The following FOXP2 variants were observed in gnomAD, a reference collection of about 807,000 sequenced individuals.
The protein encoded by FOXP2 is forkhead box protein P2.
FOXP2 carries 12 observed loss-of-function variants against 115.8 expected under a neutral mutation model. That is an observed-to-expected ratio of 0.10 (90% CI 0.07 to 0.17). FOXP2 has a LOEUF of 0.17. FOXP2 is among the 10% of genes least tolerant of loss of function. The probability of loss-of-function intolerance (pLI) is 1.00; values close to 1 mark genes in which losing one functional copy is unlikely to be tolerated. For missense variants in FOXP2, 629 were observed against 843.5 expected (o/e 0.75, Z 3.15); for synonymous variants, 328 against 297.7 (o/e 1.10, Z -1.05).
At chr7:114,531,526 A>T (rs1031542228) in intron 2 of FOXP2, among the ~76,000 whole-genome samples, 2 of 151,900 alleles carry the variant, frequency 1.3e-5, no homozygotes, top group Admixed American at 6.6e-5. Flanking sequence ...TGATGCATGC[A>T]GTGAGAATGC....
chr7:114,638,274 T>C (rs1584979139), intron 6 of FOXP2, among the ~76,000 whole-genome samples: 1 of 152,294 alleles, frequency 6.6e-6, no homozygotes, highest in Admixed American at 6.5e-5. Context: ...AAACGCTGAC[T>C]TCAAAATGAG....
In FOXP2 at chr7:114,662,300, C is replaced by T. The variant is rs556152450; in HGVS notation, c.1769+114C>T. 126 of 1,413,670 alleles carry T rather than the reference C, an allele frequency of 8.9e-5. No individual in the cohort carries two copies. The African/African-American group carries it at 1.6e-3, about 18-fold the overall frequency. The allele number at this position is 1,413,670 out of a possible 1,614,324, so 87.6% of individuals were successfully genotyped here. On this transcript the variant is annotated intron_variant, in intron 14 of 16. Coordinates refer to ENST00000350908, the MANE Select transcript of FOXP2 (RefSeq NM_014491.4). The stretch of plus-strand genomic sequence containing the variant: ...TAGCTTAATGGCATGCTAACATTCT[C>T]GTGGCAATGAACTGCATTTTGAATC...
chr7:114,554,518 A>G (rs1389004059), intron 3 of FOXP2, among the ~76,000 whole-genome samples: 1 of 152,084 alleles, frequency 6.6e-6, no homozygotes, highest in African/African-American at 2.4e-5. Flanking sequence ...CAGTAAACTT[A>G]TTTATATGTA....
intron 2 of FOXP2, among the ~76,000 whole-genome samples, chr7:114,488,150 AGT>A (rs1796878414): frequency 6.6e-6 from 1 of 152,200 alleles, no homozygotes; most frequent in Admixed American, 6.5e-5. Context: ...TGTCTGATAC[AGT>A]GGCAGGCAAG....
intron 2 of FOXP2, among the ~76,000 whole-genome samples, chr7:114,312,347 C>T (rs1468368123): frequency 6.6e-6 from 1 of 152,050 alleles, no homozygotes; most frequent in Non-Finnish European, 1.5e-5. Context: ...TTATTTCTGC[C>T]TCTCTCTGTT....
chr7:114,311,852 C>G (rs1465281673), intron 2 of FOXP2, among the ~76,000 whole-genome samples: 4 of 152,000 alleles, frequency 2.6e-5, no homozygotes, highest in South Asian at 4.2e-4. Flanking sequence ...TTCTGGGACC[C>G]CTTTCTCTCT....
At chr7:114,620,193 C>T (rs771303848) in intron 3 of FOXP2, among the ~76,000 whole-genome samples, 20 of 151,950 alleles carry the variant, frequency 1.3e-4, no homozygotes, top group Non-Finnish European at 5.9e-5. Flanking sequence ...CATCGCTACA[C>T]TACAAAAGAA....
At chr7:114,477,594 T>G (rs1027398519) in intron 2 of FOXP2, among the ~76,000 whole-genome samples, 1 of 151,914 alleles carries the variant, frequency 6.6e-6, no homozygotes, top group Non-Finnish European at 1.5e-5. Context: ...CAACATCATG[T>G]AATATTCCCA....
intron 3 of FOXP2, among the ~76,000 whole-genome samples, chr7:114,570,232 T>C (rs536791949): frequency 6.6e-6 from 1 of 151,998 alleles, no homozygotes; most frequent in East Asian, 1.9e-4. Context: ...TTAACAGATA[T>C]TATGGAGGTT....
intron 2 of FOXP2, among the ~76,000 whole-genome samples, chr7:114,364,171 A>G (rs1791820621): frequency 6.6e-6 from 1 of 152,140 alleles, no homozygotes; most frequent in African/African-American, 2.4e-5. Flanking sequence ...AATTTAACAC[A>G]TATATTGAAG....
At chr7:114,560,389 T>G (rs1320064637) in intron 3 of FOXP2, among the ~76,000 whole-genome samples, 1 of 152,098 alleles carries the variant, frequency 6.6e-6, no homozygotes, top group African/African-American at 2.4e-5. Context: ...GTGGATCCCC[T>G]GAGGCCAGGA....
chr7:114,141,463 T>C (rs1168944048), intron 1 of FOXP2, among the ~76,000 whole-genome samples: 1 of 152,180 alleles, frequency 6.6e-6, no homozygotes. Context: ...GAAATTTATA[T>C]ATGTTAATAA....
chr7:114,591,209 T>C (rs1282983167), intron 3 of FOXP2, among the ~76,000 whole-genome samples: 4 of 152,156 alleles, frequency 2.6e-5, no homozygotes, highest in Non-Finnish European at 5.9e-5. Flanking sequence ...ACCTTGACCA[T>C]TGTAACACAT....
intron 16 of FOXP2, among the ~76,000 whole-genome samples, chr7:114,678,547 C>CT (rs35525759): frequency 0.1 from 4,857 of 48,230 alleles, 1,298 homozygotes; most frequent in Non-Finnish European, 0.14. Context: ...ATAAGTGACT[C>CT]TTTTTTTTTT....
chr7:114,086,493 GC>G (rs958088980), upstream of FOXP2: 39 of 341,122 alleles, frequency 1.1e-4, no homozygotes, highest in Non-Finnish European at 1.7e-4. Context: ...CCCCGGGCGC[GC>G]CCCCCACTCG....
At chr7:114,616,759 A>G (rs1218870719) in intron 3 of FOXP2, among the ~76,000 whole-genome samples, 1 of 152,184 alleles carries the variant, frequency 6.6e-6, no homozygotes, top group Non-Finnish European at 1.5e-5. Context: ...ATCTAAATCT[A>G]GAGCCATTAC....
intron 2 of FOXP2, among the ~76,000 whole-genome samples, chr7:114,389,006 A>G (rs1239964703): frequency 6.6e-6 from 1 of 152,236 alleles, no homozygotes; most frequent in African/African-American, 2.4e-5. Flanking sequence ...CAAAATAAGA[A>G]TAGAATGCTA....
intron 1 of FOXP2, among the ~76,000 whole-genome samples, chr7:114,212,365 G>T (rs1430423210): frequency 6.6e-6 from 1 of 151,854 alleles, no homozygotes; most frequent in African/African-American, 2.4e-5. Context: ...ATTCACTTTT[G>T]TTGAACACCT....
In FOXP2 at chr7:114,490,955, G is replaced by A. The variant is rs1044341950; in HGVS notation, c.169-43662G>A. Reference sequence around the variant, plus strand: ...AGTCTTTGCTATTGTGAATAGTGCCGTAATAAACATACGTGTGCATGTGTC... The same window carrying A: ...AGTCTTTGCTATTGTGAATAGTGCCATAATAAACATACGTGTGCATGTGTC... On this transcript the variant is annotated intron_variant, in intron 2 of 16. Transcript: ENST00000350908. Among the ~76,000 whole-genome samples the A allele has an allele frequency of 1.1e-3, 170 of 152,210 alleles. 1 individual carries two copies. The highest frequency in any genetic ancestry group is 6.8e-3 in the Middle Eastern group (2 of 294).
Sources: allele counts gnomAD v4.1 joint callset (sites outside exome capture counted in the v4.1 genomes callset), GRCh38; gene constraint gnomAD v4.1.1; transcripts MANE v1.5; gene names NCBI Gene and HGNC (gene_info 2026-07-23, HGNC 2026-07-21).